NUDCD1: variants seen among roughly 807,000 people sequenced by gnomAD.
NUDCD1 encodes the protein NudC domain containing 1, also known as nudC domain-containing protein 1.
A neutral mutation model predicts 67.8 loss-of-function variants in NUDCD1; 60 were observed. The observed-to-expected ratio is 0.88, with a 90% CI of 0.72 to 1.10. The LOEUF (loss-of-function observed/expected upper bound fraction) is 1.10, where lower values mean the gene tolerates loss of function less well. NUDCD1 is among the 50% of genes least tolerant of loss of function. The pLI, the probability that NUDCD1 is intolerant of heterozygous loss-of-function variation, is 0.00. For synonymous variants in NUDCD1, 244 were observed against 230.8 expected (o/e 1.06, Z -0.52); for missense variants, 643 against 695.0 (o/e 0.93, Z 0.84).
At chr8:109,332,823 T>C (rs756086941) in intron 1 of NUDCD1, among the ~76,000 whole-genome samples, 1 of 152,330 alleles carries the variant, frequency 6.6e-6, no homozygotes, top group South Asian at 2.1e-4. Context: ...TCCTCTCTCA[T>C]CCTAGTCAAC....
At chr8:109,247,641 T>C (rs1354377602) in intron 8 of NUDCD1, among the ~76,000 whole-genome samples, 1 of 152,196 alleles carries the variant, frequency 6.6e-6, no homozygotes, top group African/African-American at 2.4e-5. Context: ...AGCTTGTCTT[T>C]GCCATACCTT....
At chr8:109,285,141 T>C (rs981734075) in intron 5 of NUDCD1, among the ~76,000 whole-genome samples, 1 of 151,916 alleles carries the variant, frequency 6.6e-6, no homozygotes, top group Non-Finnish European at 1.5e-5. Flanking sequence ...AACAGACCAA[T>C]ATCAAGTTCC....
rs1480750957 is a variant in NUDCD1 at position 109,245,315 on chromosome 8, T to C, written c.1459+7A>G. The C allele has an allele frequency of 6.2e-7, 1 of 1,607,932 alleles. No individual in the cohort carries two copies. The highest frequency in any genetic ancestry group is 2.2e-5 in the East Asian group (1 of 44,780). Reference sequence around the variant, plus strand: ...TCATGGAAAATGTCAAAGAGTTTGCTTTATACCTAAAGCATTGAAAGTTGC... The same window carrying C: ...TCATGGAAAATGTCAAAGAGTTTGCCTTATACCTAAAGCATTGAAAGTTGC... On this transcript the variant is annotated splice_region_variant and intron_variant, in intron 9 of 9. Transcript: ENST00000239690.
chr8:109,281,100 T>A lies in NUDCD1; in HGVS notation c.896A>T (p.Lys299Met), dbSNP rs1213189680. 33 of 1,613,324 alleles carry A rather than the reference T, an allele frequency of 2.0e-5. No individual in the cohort carries two copies. The highest frequency in any genetic ancestry group is 2.5e-5 in the Non-Finnish European group (30 of 1,179,458). ...CAAAAACTGTATTTGAATGTCCTCC[T>A]TAGTACTGTCTTCTGGAAGCCGTAT... ...VTIRLPEDST[K>M]EDIQIQFLPD... Residue 299 changes from lysine (K) to methionine (M), a missense_variant, in exon 6 of 10, where the codon AAG (lysine) becomes ATG (methionine). Physicochemically the swap from Lys to Met is moderately conservative, Grantham distance 95. Coordinates refer to ENST00000239690, the MANE Select transcript of NUDCD1 (RefSeq NM_032869.4).
chr8:109,296,303 GAA>G (rs961587813), intron 3 of NUDCD1, 79 bp downstream of exon 3: 2 of 1,134,130 alleles, frequency 1.8e-6, no homozygotes, highest in Admixed American at 4.0e-5. Context: ...AACCATCCTT[GAA>G]AAGTGTCATT....
In NUDCD1 at chr8:109,312,372, T is replaced by C. The variant is rs1815278744; in HGVS notation, c.273+9937A>G. ...GGATTAATAGAATATGATTATCTCA[T>C]TGGCCAGAGAAAACAATCTTACACT... On this transcript the variant is annotated intron_variant, in intron 2 of 9. Coordinates refer to ENST00000239690, the MANE Select transcript of NUDCD1 (RefSeq NM_032869.4). Among the ~76,000 whole-genome samples, 3 of 151,288 alleles carry C rather than the reference T, an allele frequency of 2.0e-5. No homozygotes were observed. The South Asian group carries it at 6.2e-4, about 31-fold the overall frequency.
intron 2 of NUDCD1, among the ~76,000 whole-genome samples, chr8:109,320,673 T>C (rs574444761): frequency 3.6e-4 from 55 of 152,296 alleles, no homozygotes; most frequent in Middle Eastern, 3.4e-3. Flanking sequence ...AGGGTACTGA[T>C]TGGGGAAGTG....
rs770182102 is a variant in NUDCD1 at position 109,245,355 on chromosome 8, T to C, written c.1426A>G (p.Met476Val). ...WQPHSSKQDDMWEHIATFNAL... is the reference protein window; with the variant it reads ...WQPHSSKQDDVWEHIATFNAL... Reference sequence around the variant, plus strand: ...TTGAAAGTTGCGATGTGCTCCCACATATCATCTTGTTTGCTGGAGTGTGGT... The same window carrying C: ...TTGAAAGTTGCGATGTGCTCCCACACATCATCTTGTTTGCTGGAGTGTGGT... The change falls in exon 9 of 10, where the codon ATG (methionine) becomes GTG (valine). Residue 476 changes from methionine (M) to valine (V), a missense_variant. By Grantham distance (21) the Met-to-Val change is conservative (BLOSUM62 1). Transcript: ENST00000239690. The C allele has an allele frequency of 6.2e-7, 1 of 1,613,958 alleles. No homozygotes were observed. The highest frequency in any genetic ancestry group is 8.5e-7 in the Non-Finnish European group (1 of 1,179,904).
chr8:109,278,093 T>G (rs964474443), intron 6 of NUDCD1, among the ~76,000 whole-genome samples: 1 of 152,192 alleles, frequency 6.6e-6, no homozygotes, highest in African/African-American at 2.4e-5. Flanking sequence ...TGTAAAAACA[T>G]CTAAGTTATC....
intron 8 of NUDCD1, among the ~76,000 whole-genome samples, chr8:109,269,485 T>C (rs894617431): frequency 1.3e-5 from 2 of 152,132 alleles, no homozygotes; most frequent in African/African-American, 4.8e-5. Context: ...ACAGTTATAT[T>C]TCCTTTTAGT....
chr8:109,257,644 T>C (rs937571532), intron 8 of NUDCD1, among the ~76,000 whole-genome samples: 9 of 152,016 alleles, frequency 5.9e-5, no homozygotes, highest in Non-Finnish European at 8.8e-5. Flanking sequence ...AAATCAAGAC[T>C]AACACCATCT....
At chr8:109,264,196 C>G (rs896856357) in intron 8 of NUDCD1, among the ~76,000 whole-genome samples, 1 of 152,126 alleles carries the variant, frequency 6.6e-6, no homozygotes, top group African/African-American at 2.4e-5. Context: ...CCTGAAACAA[C>G]AGTCGACAAA....
chr8:109,252,638 C>T (rs1056873348), intron 8 of NUDCD1, among the ~76,000 whole-genome samples: 2 of 152,118 alleles, frequency 1.3e-5, no homozygotes, highest in African/African-American at 2.4e-5. Flanking sequence ...CGGGTCACAC[C>T]ACGTCTTTAG....
Position 109,242,570 on chromosome 8 carries a change from TCA to T in NUDCD1, c.*437_*438del, listed in dbSNP as rs1422520426. 1.2e-5 allele frequency: 2 copies of T among 163,434 alleles called. No homozygotes were observed. The highest frequency in any genetic ancestry group is 4.8e-5 in the African/African-American group (2 of 41,974). The allele number at this position is 163,434 out of a possible 1,614,324, so 10.1% of individuals were successfully genotyped here. A position where few individuals can be genotyped will look rare whatever the true frequency, so the allele number is the denominator to read the frequency against. On this transcript the variant is annotated 3_prime_UTR_variant, in exon 10 of 10. Transcript: ENST00000239690. ...CTAGCATTTCCTCCTCCATGTAGAC[TCA>T]GTTATTCAATCCACTTAAATACATA...
chr8:109,248,099 G>A (rs1044809109), intron 8 of NUDCD1, among the ~76,000 whole-genome samples: 1 of 152,122 alleles, frequency 6.6e-6, no homozygotes, highest in African/African-American at 2.4e-5. Context: ...CAAAATCAAG[G>A]GGATAGACAG....
intron 2 of NUDCD1, among the ~76,000 whole-genome samples, chr8:109,297,434 G>C (rs1001743798): frequency 6.6e-6 from 1 of 152,204 alleles, no homozygotes; most frequent in African/African-American, 2.4e-5. Context: ...GATGTTACTA[G>C]AAGTTAGGGC....
At chr8:109,316,503 T>G (rs1815399444) in intron 2 of NUDCD1, 1 of 152,168 alleles carries the variant, frequency 6.6e-6, no homozygotes, top group East Asian at 1.9e-4. Flanking sequence ...TGTGCACGTG[T>G]GCCTTTGATG....
At chr8:109,293,080 G>A (rs939711335) in intron 4 of NUDCD1, among the ~76,000 whole-genome samples, 14 of 151,720 alleles carry the variant, frequency 9.2e-5, no homozygotes, top group South Asian at 4.1e-4. Context: ...AAATATACCC[G>A]TTAAATTATT....
At chr8:109,321,526 A>C (rs1339098237) in intron 2 of NUDCD1, among the ~76,000 whole-genome samples, 1 of 152,134 alleles carries the variant, frequency 6.6e-6, no homozygotes, top group Non-Finnish European at 1.5e-5. Flanking sequence ...TTTTTTAAAA[A>C]GAAAAACTGT....
Sources: gnomAD v4.1 joint callset for allele counts (sites outside exome capture counted in the v4.1 genomes callset) on GRCh38, gnomAD v4.1.1 for gene constraint, MANE v1.5 for transcripts, NCBI Gene and HGNC (gene_info 2026-07-23, HGNC 2026-07-21) for gene names.